The following CTNNA3 variants were observed in gnomAD, a reference collection of about 807,000 sequenced individuals.
The protein encoded by CTNNA3 is catenin alpha-3.
In CTNNA3, 76 loss-of-function variants were observed where a neutral mutation model predicts 95.7. That is an observed-to-expected ratio of 0.79 (90% confidence interval 0.66 to 0.96). The LOEUF (loss-of-function observed/expected upper bound fraction) is 0.96, where lower values mean the gene tolerates loss of function less well. CTNNA3 is among the 40% of genes least tolerant of loss of function. CTNNA3 has a pLI of 0.00. For missense variants in CTNNA3, 1,191 were observed against 1,089.8 expected, an observed-to-expected ratio of 1.09 and a Z score of -1.31; for synonymous variants, 431 against 374.4, an observed-to-expected ratio of 1.15 and a Z score of -1.74.
At chr10:65,938,301 C>T (rs2077374902) in intron 17 of CTNNA3, among the ~76,000 whole-genome samples, 1 of 152,106 alleles carries the variant, frequency 6.6e-6, no homozygotes, top group Non-Finnish European at 1.5e-5. Context: ...GAAACCAAAG[C>T]TACAGGATTG....
intron 13 of CTNNA3, among the ~76,000 whole-genome samples, chr10:66,132,279 G>A (rs192572852): frequency 1.6e-4 from 25 of 152,166 alleles, no homozygotes; most frequent in African/African-American, 5.3e-4. Flanking sequence ...ACATACATGC[G>A]TCCAATGAGC....
chr10:66,229,936 C>A (rs1255599476), intron 13 of CTNNA3, among the ~76,000 whole-genome samples: 1 of 151,502 alleles, frequency 6.6e-6, no homozygotes, highest in East Asian at 1.9e-4. Context: ...TTCTTTTCTC[C>A]TCTTTTTTGT....
chr10:66,185,154 G>A (rs1589667436), intron 13 of CTNNA3, among the ~76,000 whole-genome samples: 1 of 152,102 alleles, frequency 6.6e-6, no homozygotes, highest in South Asian at 2.1e-4. Context: ...TACTAAGTTA[G>A]AAACAATGTA....
chr10:66,905,766 C>T (rs1390287325), intron 7 of CTNNA3, among the ~76,000 whole-genome samples: 1 of 152,066 alleles, frequency 6.6e-6, no homozygotes, highest in Non-Finnish European at 1.5e-5. Flanking sequence ...CATAATTTCA[C>T]TTACATGAGG....
At chr10:66,590,453 T>C (rs1843511430) in intron 10 of CTNNA3, among the ~76,000 whole-genome samples, 1 of 152,064 alleles carries the variant, frequency 6.6e-6, no homozygotes, top group African/African-American at 2.4e-5. Context: ...ATTCAGATTA[T>C]CCTACCATTT....
At chr10:66,473,687 C>T (rs908249476) in intron 11 of CTNNA3, among the ~76,000 whole-genome samples, 1 of 151,862 alleles carries the variant, frequency 6.6e-6, no homozygotes, top group African/African-American at 2.4e-5. Flanking sequence ...CACAACAGGC[C>T]CTGGTGTGTG....
At chr10:66,544,723 T>C (rs1405471645) in intron 10 of CTNNA3, among the ~76,000 whole-genome samples, 1 of 152,148 alleles carries the variant, frequency 6.6e-6, no homozygotes, top group Non-Finnish European at 1.5e-5. Flanking sequence ...TGCTTTTATC[T>C]TAAGCCCACA....
chr10:66,093,884 G>T (rs1345831370), intron 14 of CTNNA3, among the ~76,000 whole-genome samples: 1 of 152,028 alleles, frequency 6.6e-6, no homozygotes, highest in Non-Finnish European at 1.5e-5. Context: ...TTTCCTATAT[G>T]ACGTGATTCA....
intron 11 of CTNNA3, among the ~76,000 whole-genome samples, chr10:66,441,865 A>G (rs2093377596): frequency 6.6e-6 from 1 of 152,198 alleles, no homozygotes; most frequent in Non-Finnish European, 1.5e-5. Flanking sequence ...TTTCTGGAGA[A>G]TTTTGGTAAA....
chr10:66,425,676 A>T (rs1277971091), intron 11 of CTNNA3, among the ~76,000 whole-genome samples: 2 of 79,322 alleles, frequency 2.5e-5, no homozygotes, highest in Non-Finnish European at 5.3e-5. Flanking sequence ...TCATATAAAG[A>T]TATATATATA....
chr10:66,182,537 G>C (rs1044711918), intron 13 of CTNNA3, among the ~76,000 whole-genome samples: 1 of 152,108 alleles, frequency 6.6e-6, no homozygotes, highest in Admixed American at 6.6e-5. Context: ...TTACAGGCGT[G>C]AGCCACCGCG....
At chr10:66,639,306 C>T (rs1206221920) in intron 9 of CTNNA3, among the ~76,000 whole-genome samples, 1 of 152,132 alleles carries the variant, frequency 6.6e-6, no homozygotes, top group South Asian at 2.1e-4. Context: ...TCAAGATCTG[C>T]ATCCTAGTTA....
At chr10:66,469,519 T>C (rs1050555321) in intron 11 of CTNNA3, among the ~76,000 whole-genome samples, 8 of 150,552 alleles carry the variant, frequency 5.3e-5, no homozygotes, top group Non-Finnish European at 8.8e-5. Flanking sequence ...TAAATGTATG[T>C]TATTTATCGT....
intron 1 of CTNNA3, among the ~76,000 whole-genome samples, chr10:67,728,378 G>A (rs955815518): frequency 6.7e-6 from 1 of 148,990 alleles, no homozygotes; most frequent in African/African-American, 2.4e-5. Context: ...GCTTGAACCT[G>A]GGAGGTGGAG....
At chr10:66,809,741 G>C (rs1325863307) in intron 7 of CTNNA3, among the ~76,000 whole-genome samples, 2 of 151,318 alleles carry the variant, frequency 1.3e-5, no homozygotes, top group East Asian at 3.9e-4. Flanking sequence ...GACGGTCTTT[G>C]GCACATTTAG....
chr10:66,884,212 T>G (rs1160293876), intron 7 of CTNNA3, among the ~76,000 whole-genome samples: 2 of 152,046 alleles, frequency 1.3e-5, no homozygotes, highest in Admixed American at 1.3e-4. Flanking sequence ...CCTCCAACAC[T>G]AAGGATCAAA....
At chr10:67,024,055 C>A (rs1188913203) in intron 7 of CTNNA3, among the ~76,000 whole-genome samples, 1 of 152,224 alleles carries the variant, frequency 6.6e-6, no homozygotes, top group East Asian at 1.9e-4. Context: ...TTATTATCTT[C>A]CGGAGGACAG....
At chr10:66,074,224 AAT>A (rs5785746) in intron 14 of CTNNA3, among the ~76,000 whole-genome samples, 79,279 of 150,424 alleles carry the variant, frequency 0.53, 21,240 homozygotes, top group Non-Finnish European at 0.58. Context: ...CCACTCTACA[AAT>A]ATATATATAT....
At chr10:65,972,910 A>AGG (rs1564550290) in intron 16 of CTNNA3, among the ~76,000 whole-genome samples, 49 of 151,518 alleles carry the variant, frequency 3.2e-4, no homozygotes, top group African/African-American at 1.1e-3. Context: ...GGGGGAAAAA[A>AGG]AAAAAAAAAA....
Sources: allele counts gnomAD v4.1 joint callset (sites outside exome capture counted in the v4.1 genomes callset), GRCh38; gene constraint gnomAD v4.1.1; transcripts MANE v1.5; gene names NCBI Gene and HGNC (gene_info 2026-07-23, HGNC 2026-07-21).